The following INTU variants were observed in gnomAD, a reference collection of about 807,000 sequenced individuals.
The protein encoded by INTU is inturned planar cell polarity protein, also known as protein inturned.
INTU carries 68 observed loss-of-function variants against 100.5 expected under a neutral mutation model. The ratio of observed to expected loss-of-function variants is 0.68; its 90% CI spans 0.56 to 0.83. INTU has a LOEUF of 0.83. Among genes scored for constraint, INTU ranks in the 40% least tolerant of loss-of-function variants. INTU has a pLI of 0.00. For synonymous variants in INTU, 357 were observed against 395.7 expected (o/e 0.90, Z 1.16); for missense variants, 1,071 against 1,114.7 (o/e 0.96, Z 0.56).
At chr4:127,647,410 T>C (rs1727637331) in intron 2 of INTU, among the ~76,000 whole-genome samples, 2 of 152,204 alleles carry the variant, frequency 1.3e-5, no homozygotes, top group Non-Finnish European at 2.9e-5. Context: ...GGTCCTGTCC[T>C]CCATCATCAA....
intron 1 of INTU, among the ~76,000 whole-genome samples, chr4:127,639,895 C>T (rs1214344915): frequency 2.6e-5 from 4 of 152,058 alleles, no homozygotes; most frequent in East Asian, 3.9e-4. Context: ...ACTTTGTACC[C>T]GTCGACCAAT....
intron 3 of INTU, among the ~76,000 whole-genome samples, 176 bp from the exon 4 acceptor site, chr4:127,663,205 C>T (rs1485164728): frequency 1.3e-5 from 2 of 151,856 alleles, no homozygotes; most frequent in African/African-American, 2.4e-5. Context: ...TCCTAGGAGC[C>T]GAAGATACAA....
In INTU at chr4:127,714,035, C is replaced by T. The variant is rs867924453; in HGVS notation, c.2659C>T (p.Pro887Ser). The change falls in exon 15 of 16, where the codon CCT (proline) becomes TCT (serine). Residue 887 changes from proline to serine, a missense_variant. Transcript: ENST00000335251. The part of the protein sequence containing the change: ...KEHGVLFECS[P>S]GNWTDQKKAP... The stretch of plus-strand genomic sequence containing the variant: ...ACATGGTGTGTTGTTTGAATGTTCA[C>T]CTGGAAACTGGACTGATCAGAAAAA... 6.2e-7 allele frequency: 1 copy of T among 1,613,444 alleles called. No individual in the cohort carries two copies. The highest frequency in any genetic ancestry group is 1.3e-5 in the African/African-American group (1 of 74,856).
At position 127,656,665 on chromosome 4, in the gene INTU, G is replaced by C. The variant is rs58739356; in HGVS notation, c.712G>C (p.Asp238His). The C allele has an allele frequency of 2.5e-6, 4 of 1,610,282 alleles. No individual in the cohort carries two copies. Among genetic ancestry groups the C allele is most frequent in the East Asian group, 2.2e-5 (1 of 44,842 alleles). The part of the protein sequence containing the change: ...GDVLVAVNDV[D>H]VTTENIERVL... ...TGTCCTTGTTGCTGTGAATGATGTC[G>C]ATGTTACTACTGAAAACATCGAGAG... The change falls in exon 3 of 16, where the codon GAT becomes CAT. Residue 238 changes from aspartate (D) to histidine (H), a missense_variant. Physicochemically the swap from Asp to His is moderately conservative, Grantham distance 81. Transcript: ENST00000335251.
intron 2 of INTU, among the ~76,000 whole-genome samples, chr4:127,656,373 A>G (rs1728223895): frequency 6.6e-6 from 1 of 152,198 alleles, no homozygotes; most frequent in Admixed American, 6.5e-5. Context: ...ATCAAGAATA[A>G]AAATAGTTAT....
intron 2 of INTU, among the ~76,000 whole-genome samples, chr4:127,653,086 A>G (rs1222695314): frequency 2.6e-5 from 4 of 151,118 alleles, no homozygotes; most frequent in African/African-American, 9.8e-5. Context: ...ATCATTTTTT[A>G]TTGTGTCTAT....
chr4:127,705,445 T>C (rs1036913996), intron 10 of INTU, 146 bp from the exon 11 acceptor site: 9 of 657,936 alleles, frequency 1.4e-5, no homozygotes, highest in Admixed American at 8.6e-5. Context: ...AAAGAAACAT[T>C]TACTTTTACT....
intron 6 of INTU, among the ~76,000 whole-genome samples, chr4:127,678,202 C>T (rs1373628076): frequency 1.3e-5 from 2 of 152,028 alleles, no homozygotes; most frequent in East Asian, 3.8e-4. Context: ...GGAGAACTTC[C>T]CCAATCTAGC....
intron 8 of INTU, among the ~76,000 whole-genome samples, chr4:127,692,269 T>A (rs184554232): frequency 1.4e-3 from 210 of 151,406 alleles, no homozygotes; most frequent in Non-Finnish European, 2.2e-3. Flanking sequence ...TATTTTTTTT[T>A]ATTATGGCCA....
Position 127,633,003 on chromosome 4 carries a change from T to C in INTU, c.-32T>C. ...GCAAGCTATAGCTGCGAGATTTGAA[T>C]TACTCCACTCGTAGCTATTGCATTC... On this transcript the variant is annotated 5_prime_UTR_variant, in exon 1 of 16. Coordinates refer to ENST00000335251, the MANE Select transcript of INTU (RefSeq NM_015693.4). 6.3e-7 allele frequency: 1 copy of C among 1,595,630 alleles called. No homozygotes were observed. The highest frequency in any genetic ancestry group is 8.6e-7 in the Non-Finnish European group (1 of 1,166,958).
chr4:127,669,174 T>C lies in INTU; in HGVS notation c.1091+20T>C. ...TACTAGGTAATAATTTTTATTTAGCTTTAATTCTGTTTTTTTCAAGTTCTT... is the reference window on the plus strand; with the variant it reads ...TACTAGGTAATAATTTTTATTTAGCCTTAATTCTGTTTTTTTCAAGTTCTT... On this transcript the variant is annotated intron_variant, in intron 5 of 15. Coordinates refer to ENST00000335251, the MANE Select transcript of INTU (RefSeq NM_015693.4). The C allele has an allele frequency of 2.6e-6, 3 of 1,160,534 alleles. No individual in the cohort carries two copies. The highest frequency in any genetic ancestry group is 3.8e-6 in the Non-Finnish European group (3 of 798,602). 71.9% of individuals were successfully genotyped at this position (1,160,534 alleles called of 1,614,324 possible).
intron 4 of INTU, 110 bp from the exon 5 acceptor site, chr4:127,668,926 A>T (rs1234310018): frequency 1.8e-6 from 1 of 561,652 alleles, no homozygotes; most frequent in Non-Finnish European, 3.3e-6. Flanking sequence ...CTCCCACTGA[A>T]GCTGAAAGGA....
intron 3 of INTU, among the ~76,000 whole-genome samples, chr4:127,658,168 G>A (rs1011910124): frequency 6.6e-6 from 1 of 152,112 alleles, no homozygotes; most frequent in Admixed American, 6.5e-5. Flanking sequence ...CCATTTATTT[G>A]TTTTAAACAT....
intron 2 of INTU, among the ~76,000 whole-genome samples, chr4:127,650,859 T>C (rs555319998): frequency 1.3e-5 from 2 of 152,286 alleles, no homozygotes; most frequent in East Asian, 1.9e-4. Flanking sequence ...TGTTCCTATT[T>C]CTCCACATCC....
chr4:127,663,009 C>T (rs1257319156), intron 3 of INTU, among the ~76,000 whole-genome samples: 1 of 152,158 alleles, frequency 6.6e-6, no homozygotes, highest in Non-Finnish European at 1.5e-5. Flanking sequence ...GTGCTATCGG[C>T]ATTGATATTG....
rs76299187 is a variant in INTU at position 127,707,244 on chromosome 4, C to T, written c.2271+275C>T. On this transcript the variant is annotated intron_variant, in intron 12 of 15. Transcript: ENST00000335251. ...AAAATTACAAAAAAATTGCCAGGCA[C>T]GTTGGTGCACACCTGTGATCCCAGA... Among the ~76,000 whole-genome samples the T allele has an allele frequency of 7.8e-3, 1,191 of 151,764 alleles. 14 individuals carry two copies. The highest frequency in any genetic ancestry group is 0.023 in the African/African-American group (946 of 41,376).
At position 127,719,310 on chromosome 4, in the gene INTU, C is replaced by G. The variant is rs1435860296; in HGVS notation, c.*2874C>G. On this transcript the variant is annotated 3_prime_UTR_variant, in exon 16 of 16. Transcript: ENST00000335251. ...TATTGATTTGCATATGTTGAACCAG[C>G]CTCACATCCCGGGAATGAAGCCAAC... 6.6e-6 allele frequency: 1 copy of G among 152,196 alleles called. No individual in the cohort carries two copies. The highest frequency in any genetic ancestry group is 1.5e-5 in the Non-Finnish European group (1 of 68,050). 9.4% of individuals were successfully genotyped at this position (152,196 alleles called of 1,614,324 possible).
Position 127,703,888 on chromosome 4 carries a change from A to C in INTU, c.1504-340A>C, listed in dbSNP as rs191510774. Among the ~76,000 whole-genome samples the C allele has an allele frequency of 2.0e-5, 3 of 152,264 alleles. No homozygotes were observed. The East Asian group carries it at 5.8e-4, about 29-fold the overall frequency. ...TGCATCAATTAGTGCTTTCAAAAATAGCTTATGGTAATATTGGATACTGTA... is the reference window on the plus strand; with the variant it reads ...TGCATCAATTAGTGCTTTCAAAAATCGCTTATGGTAATATTGGATACTGTA... On this transcript the variant is annotated intron_variant, in intron 9 of 15. Transcript: ENST00000335251.
At chr4:127,664,064 C>A (rs1170118273) in intron 4 of INTU, among the ~76,000 whole-genome samples, 1 of 152,038 alleles carries the variant, frequency 6.6e-6, no homozygotes, top group African/African-American at 2.4e-5. Flanking sequence ...CAATCAATCC[C>A]CTCCTGCTAT....
Sources: gnomAD v4.1 joint callset for allele counts (sites outside exome capture counted in the v4.1 genomes callset) on GRCh38, gnomAD v4.1.1 for gene constraint, MANE v1.5 for transcripts, NCBI Gene and HGNC (gene_info 2026-07-23, HGNC 2026-07-21) for gene names.